The following ARHGEF4 variants were observed in gnomAD, a reference collection of about 807,000 sequenced individuals.
ARHGEF4 encodes the protein Rho guanine nucleotide exchange factor 4.
ARHGEF4 carries 119 observed loss-of-function variants against 162.0 expected under a neutral mutation model. The observed-to-expected ratio is 0.73, with a 90% confidence interval of 0.63 to 0.86. The LOEUF (loss-of-function observed/expected upper bound fraction) is 0.86. Among genes scored for constraint, ARHGEF4 ranks in the 40% least tolerant of loss-of-function variants. The pLI is 0.00. For missense variants in ARHGEF4, 2,488 were observed against 2,456.0 expected (o/e 1.01, Z -0.28); for synonymous variants, 1,014 against 979.9 (o/e 1.03, Z -0.65).
At chr2:130,876,010 A>G (rs1364491290) in intron 1 of ARHGEF4, among the ~76,000 whole-genome samples, 1 of 152,120 alleles carries the variant, frequency 6.6e-6, no homozygotes, top group Non-Finnish European at 1.5e-5. Flanking sequence ...TGCGTGGCAC[A>G]TGCCTCCAGC....
chr2:130,912,946 G>A (rs1383639656), intron 1 of ARHGEF4, among the ~76,000 whole-genome samples: 2 of 152,124 alleles, frequency 1.3e-5, no homozygotes, highest in African/African-American at 2.4e-5. Context: ...ACAGTCTATT[G>A]TTATAATTGT....
intron 4 of ARHGEF4, 127 bp from the exon 5 acceptor site, chr2:131,027,818 G>T: frequency 1.7e-6 from 2 of 1,168,540 alleles, no homozygotes; most frequent in Non-Finnish European, 2.4e-6. Context: ...ACCTAGCCCT[G>T]CAACCTGCAC....
rs963522851 is a variant in ARHGEF4 at position 130,916,517 on chromosome 2, C to A, written c.2571C>A (p.Pro857=). The change falls in exon 2 of 14, where the codon CCC becomes CCA. Residue 857 remains proline (P), a synonymous_variant. Transcript: ENST00000409359. ...PLHHGDASAW[P]EFVPQAAGDR... is the part of the protein sequence containing the mutation. ...ACCACGGGGACGCCAGCGCCTGGCC[C>A]GAGTTTGTCCCGCAGGCTGCAGGCG... 3 of 1,549,084 alleles carry A rather than the reference C, an allele frequency of 1.9e-6. No homozygotes were observed. The highest frequency in any genetic ancestry group is 2.6e-6 in the Non-Finnish European group (3 of 1,146,784).
At chr2:130,849,429 G>A (rs1681239176) in intron 1 of ARHGEF4, among the ~76,000 whole-genome samples, 1 of 152,128 alleles carries the variant, frequency 6.6e-6, no homozygotes, top group Non-Finnish European at 1.5e-5. Context: ...TGTGAGGTGG[G>A]ATGGCAGCCA....
chr2:130,940,455 C>G (rs967887480), intron 3 of ARHGEF4, among the ~76,000 whole-genome samples: 3 of 151,744 alleles, frequency 2.0e-5, no homozygotes, highest in African/African-American at 7.3e-5. Context: ...GCCACCATGC[C>G]CGACTAATTT....
chr2:130,963,042 C>T (rs1684727749), intron 4 of ARHGEF4, among the ~76,000 whole-genome samples: 1 of 152,164 alleles, frequency 6.6e-6, no homozygotes, highest in African/African-American at 2.4e-5. Context: ...AATAGTAATG[C>T]CCTTCCTTAT....
rs1383072559 is a variant in ARHGEF4 at position 130,916,631 on chromosome 2, A to T, written c.2685A>T (p.Ala895=). Residue 895 remains alanine (A), a synonymous_variant, in exon 2 of 14, where the codon GCA becomes GCT. Transcript: ENST00000409359. ...SRGPSSESCN[A]KRLKTTEKKL... is the part of the protein sequence containing the mutation. ...GGCCTTCCTCTGAGAGCTGCAACGCAAAGAGACTCAAAACAACGGAGAAAA... is the reference window on the plus strand; with the variant it reads ...GGCCTTCCTCTGAGAGCTGCAACGCTAAGAGACTCAAAACAACGGAGAAAA... The T allele has an allele frequency of 6.4e-7, 1 of 1,550,596 alleles. No individual in the cohort carries two copies. Among genetic ancestry groups the T allele is most frequent in the East Asian group, 2.4e-5 (1 of 40,900 alleles).
chr2:131,043,024 G>C (rs1690939193), intron 10 of ARHGEF4, among the ~76,000 whole-genome samples: 1 of 152,156 alleles, frequency 6.6e-6, no homozygotes, highest in East Asian at 1.9e-4. Flanking sequence ...ATGCTATGCA[G>C]TAGCCATCTT....
chr2:130,911,747 G>A (rs1024301216), intron 1 of ARHGEF4, among the ~76,000 whole-genome samples: 1 of 152,072 alleles, frequency 6.6e-6, no homozygotes, highest in African/African-American at 2.4e-5. Flanking sequence ...AAATAACCTG[G>A]AACTCAGACA....
In ARHGEF4 at chr2:131,040,254, C is replaced by T. The variant is rs1690692800; in HGVS notation, c.4483-7C>T. 3.1e-6 allele frequency: 5 copies of T among 1,611,902 alleles called. No homozygotes were observed. The highest frequency in any genetic ancestry group is 2.7e-5 in the African/African-American group (2 of 74,912). On this transcript the variant is annotated splice_region_variant and splice_polypyrimidine_tract_variant and intron_variant, in intron 7 of 13. Coordinates refer to ENST00000409359, the MANE Select transcript of ARHGEF4 (RefSeq NM_001367493.1). Reference sequence around the variant, plus strand: ...GTCGGGGGAGGCCTAACCACGTCCGCCCGCAGGGCTACGTCCGGCAGTGCC... The same window carrying T: ...GTCGGGGGAGGCCTAACCACGTCCGTCCGCAGGGCTACGTCCGGCAGTGCC...
Position 130,946,650 on chromosome 2 carries a change from TC to T in ARHGEF4, c.3985+16del. ...ACCAGGCACTGGTGAGTTACGCGCCTCTCTCTTTTGCTATGTACTCTGGATC... is the reference window on the plus strand; with the variant it reads ...ACCAGGCACTGGTGAGTTACGCGCCTTCTCTTTTGCTATGTACTCTGGATC... On this transcript the variant is annotated intron_variant, in intron 4 of 13. Coordinates refer to ENST00000409359, the MANE Select transcript of ARHGEF4 (RefSeq NM_001367493.1). 2 of 1,613,524 alleles carry T rather than the reference TC, an allele frequency of 1.2e-6. No homozygotes were observed. The highest frequency in any genetic ancestry group is 8.5e-7 in the Non-Finnish European group (1 of 1,179,680).
intron 4 of ARHGEF4, among the ~76,000 whole-genome samples, chr2:131,009,147 G>C (rs2105328702): frequency 6.6e-6 from 1 of 152,154 alleles, no homozygotes; most frequent in East Asian, 1.9e-4. Context: ...ACATTGTGGT[G>C]GTGTCCTGTG....
chr2:131,018,497 T>C (rs1338975942), intron 4 of ARHGEF4, among the ~76,000 whole-genome samples: 1 of 152,214 alleles, frequency 6.6e-6, no homozygotes. Flanking sequence ...ATTCTGGATG[T>C]TATTCCCTTA....
intron 4 of ARHGEF4, among the ~76,000 whole-genome samples, chr2:130,980,429 CA>C (rs2105249890): frequency 6.6e-6 from 1 of 151,284 alleles, no homozygotes; most frequent in South Asian, 2.1e-4. Context: ...CCAGACTTAG[CA>C]AAATAAGACT....
intron 4 of ARHGEF4, among the ~76,000 whole-genome samples, chr2:131,019,137 G>A (rs1688935828): frequency 6.6e-6 from 1 of 152,178 alleles, no homozygotes; most frequent in African/African-American, 2.4e-5. Context: ...CTGGGGCTGG[G>A]CGCAGTGGCT....
In ARHGEF4 at chr2:130,916,920, G is replaced by A. The variant is rs963769665; in HGVS notation, c.2974G>A (p.Ala992Thr). ...AETDSHCEER[A>T]EDKEGYVFSD... Reference sequence around the variant, plus strand: ...GACCGACAGCCACTGTGAGGAACGGGCGGAGGACAAAGAGGGCTATGTTTT... The same window carrying A: ...GACCGACAGCCACTGTGAGGAACGGACGGAGGACAAAGAGGGCTATGTTTT... The change falls in exon 2 of 14, where the codon GCG becomes ACG. Residue 992 changes from alanine to threonine, a missense_variant. Coordinates refer to ENST00000409359, the MANE Select transcript of ARHGEF4 (RefSeq NM_001367493.1). 1.2e-5 allele frequency: 18 copies of A among 1,550,508 alleles called. No homozygotes were observed. In the African/African-American group the frequency reaches 2.3e-4, roughly 20 times the overall value.
intron 4 of ARHGEF4, among the ~76,000 whole-genome samples, chr2:130,966,025 T>C (rs753273614): frequency 5.9e-5 from 9 of 152,206 alleles, no homozygotes; most frequent in Non-Finnish European, 1.0e-4. Context: ...GAAACGAATG[T>C]TGTGCCCCTC....
At chr2:130,852,717 G>A (rs910751713) in intron 1 of ARHGEF4, among the ~76,000 whole-genome samples, 1 of 152,226 alleles carries the variant, frequency 6.6e-6, no homozygotes, top group Non-Finnish European at 1.5e-5. Context: ...CAGGACTGAG[G>A]TGGGCCTGAG....
At position 130,916,553 on chromosome 2, in the gene ARHGEF4, AG is replaced by A; in HGVS notation, c.2610del (p.Pro871ArgfsTer53). 1 of 1,550,092 alleles carries A rather than the reference AG, an allele frequency of 6.5e-7. No individual in the cohort carries two copies. Among genetic ancestry groups the A allele is most frequent in the Non-Finnish European group, 8.7e-7 (1 of 1,146,812 alleles). On this transcript the variant is annotated frameshift_variant, in exon 2 of 14. Coordinates refer to ENST00000409359, the MANE Select transcript of ARHGEF4 (RefSeq NM_001367493.1). LOFTEE classifies it high-confidence loss of function. ...CGCAGGCTGCAGGCGACAGGACTGC[AG>A]GGCCGGCAGGAGCGGGGCACACGGG... is the stretch of plus-strand genomic sequence containing the variant. Reference protein sequence around the residue: ...VPQAAGDRTAGPAGAGHTGTS... With the variant: ...VPQAAGDRTAXPAGAGHTGTS...
Sources: gnomAD v4.1 joint callset for allele counts (sites outside exome capture counted in the v4.1 genomes callset) on GRCh38, gnomAD v4.1.1 for gene constraint, MANE v1.5 for transcripts, NCBI Gene and HGNC (gene_info 2026-07-23, HGNC 2026-07-21) for gene names.